The following UTS2B variants were observed in gnomAD, a reference collection of about 807,000 sequenced individuals.
UTS2B encodes urotensin 2B.
A neutral mutation model predicts 19.2 loss-of-function variants in UTS2B; 21 were observed. The observed-to-expected ratio is 1.09, with a 90% confidence interval of 0.78 to 1.58. UTS2B has a LOEUF of 1.58. Among genes scored for constraint, UTS2B ranks in the 40% most tolerant of loss-of-function variants. The pLI is 0.00. For missense variants in UTS2B, 138 were observed against 130.3 expected, an observed-to-expected ratio of 1.06 and a Z score of -0.29; for synonymous variants, 57 against 50.2, an observed-to-expected ratio of 1.14 and a Z score of -0.58.
At chr3:191,271,408 A>G (rs1716091515) in intron 8 of UTS2B, among the ~76,000 whole-genome samples, 1 of 152,110 alleles carries the variant, frequency 6.6e-6, no homozygotes, top group Non-Finnish European at 1.5e-5. Context: ...CCATCTCCTC[A>G]GCTGCAGCAC....
chr3:191,272,727 G>A (rs1339708800), intron 8 of UTS2B, among the ~76,000 whole-genome samples: 1 of 151,918 alleles, frequency 6.6e-6, no homozygotes, highest in Non-Finnish European at 1.5e-5. Flanking sequence ...TGGGCGTGGT[G>A]GTGCGTGCCT....
rs539747331 is a variant in UTS2B, at chr3:191,269,774, C to T, written c.335-1333G>A. ...TCTGGCAGAAGAATATAAACTTACA[C>T]TTAGCCAAGACTTATACCACATGAA... On this transcript the variant is annotated intron_variant, in intron 8 of 8. Transcript: ENST00000340524. Among the ~76,000 whole-genome samples, 4 of 152,338 alleles carry T rather than the reference C, an allele frequency of 2.6e-5. No homozygotes were observed. The South Asian group carries it at 8.3e-4, about 32-fold the overall frequency.
At chr3:191,304,826 C>A (rs1278116550) in intron 3 of UTS2B, among the ~76,000 whole-genome samples, 2 of 152,130 alleles carry the variant, frequency 1.3e-5, no homozygotes, top group Non-Finnish European at 2.9e-5. Flanking sequence ...CCTCCTCCCA[C>A]CCTCCACCCT....
chr3:191,336,061 A>G, the UTS2B span, among the ~76,000 whole-genome samples: 1 of 151,946 alleles, frequency 6.6e-6, no homozygotes, highest in Non-Finnish European at 1.5e-5. Flanking sequence ...TCCATTCACT[A>G]ATTGAAGAAC....
upstream of UTS2B, among the ~76,000 whole-genome samples, chr3:191,334,484 A>G (rs1718080226): frequency 6.6e-6 from 1 of 152,142 alleles, no homozygotes; most frequent in African/African-American, 2.4e-5. Context: ...AGAAAGCACT[A>G]AAAACCACTG....
intron 2 of UTS2B, among the ~76,000 whole-genome samples, chr3:191,319,073 T>C (rs1160840762): frequency 6.6e-6 from 1 of 152,118 alleles, no homozygotes; most frequent in Admixed American, 6.6e-5. Flanking sequence ...TTAGGAAACT[T>C]ATGCCATAGC....
chr3:191,341,658 T>C, the UTS2B span, among the ~76,000 whole-genome samples: 4 of 152,194 alleles, frequency 2.6e-5, no homozygotes, highest in African/African-American at 7.2e-5. Context: ...TTGTTGGGAA[T>C]AGAGAACTAT....
intron 4 of UTS2B, among the ~76,000 whole-genome samples, chr3:191,304,249 C>T (rs755560419): frequency 3.3e-5 from 5 of 152,186 alleles, no homozygotes; most frequent in South Asian, 2.1e-4. Context: ...TGAGGCACTG[C>T]GCCCTGCCTG....
intron 5 of UTS2B, among the ~76,000 whole-genome samples, chr3:191,280,031 G>C (rs1716341982): frequency 6.6e-6 from 1 of 152,060 alleles, no homozygotes; most frequent in African/African-American, 2.4e-5. Context: ...TGGCAAAGCT[G>C]CTCCAATACG....
intron 6 of UTS2B, among the ~76,000 whole-genome samples, chr3:191,277,116 T>C (rs917303620): frequency 4.6e-5 from 7 of 152,124 alleles, no homozygotes; most frequent in African/African-American, 1.7e-4. Flanking sequence ...GACCTATTAT[T>C]TAGAAATAAA....
chr3:191,285,227 A>G (rs1227955434), intron 4 of UTS2B, among the ~76,000 whole-genome samples: 1 of 108,696 alleles, frequency 9.2e-6, no homozygotes, highest in African/African-American at 2.6e-5. Context: ...GTAAAAGTGT[A>G]GAGTTATTTT....
intron 3 of UTS2B, among the ~76,000 whole-genome samples, chr3:191,313,301 A>AT (rs1427684852): frequency 6.6e-6 from 1 of 152,056 alleles, no homozygotes; most frequent in Non-Finnish European, 1.5e-5. Flanking sequence ...AGCTTAAACA[A>AT]TTTTTTAAAA....
intron 4 of UTS2B, among the ~76,000 whole-genome samples, chr3:191,290,083 A>C (rs1716671247): frequency 6.6e-6 from 1 of 152,182 alleles, no homozygotes. Flanking sequence ...TTTTTAATGA[A>C]TTGATTTTTA....
intron 4 of UTS2B, among the ~76,000 whole-genome samples, chr3:191,291,186 G>A (rs923822843): frequency 6.6e-6 from 1 of 152,108 alleles, no homozygotes; most frequent in Non-Finnish European, 1.5e-5. Flanking sequence ...AGTTGTAAGA[G>A]TTCATTGTAT....
chr3:191,335,942 C>A, the UTS2B span, among the ~76,000 whole-genome samples: 1 of 150,984 alleles, frequency 6.6e-6, no homozygotes, highest in Non-Finnish European at 1.5e-5. Context: ...CATGCCCCCA[C>A]CAGCCACTGA....
At chr3:191,341,760 G>A in the UTS2B span, among the ~76,000 whole-genome samples, 1 of 152,290 alleles carries the variant, frequency 6.6e-6, no homozygotes, top group Middle Eastern at 3.4e-3. Context: ...ACTGCATGGA[G>A]AGCCAAAGGG....
intron 2 of UTS2B, among the ~76,000 whole-genome samples, chr3:191,320,995 C>T (rs933780063): frequency 6.6e-6 from 1 of 152,160 alleles, no homozygotes; most frequent in Non-Finnish European, 1.5e-5. Context: ...GGGCTTCTCC[C>T]TGATTAATGG....
At chr3:191,333,892 G>A (rs1455153476), upstream of UTS2B, among the ~76,000 whole-genome samples, 2 of 151,984 alleles carry the variant, frequency 1.3e-5, no homozygotes, top group African/African-American at 2.4e-5. Context: ...TTATAGGTAT[G>A]TCTTGTAAAT....
At chr3:191,319,467 G>A (rs564026949) in intron 2 of UTS2B, among the ~76,000 whole-genome samples, 1 of 152,274 alleles carries the variant, frequency 6.6e-6, no homozygotes, top group East Asian at 1.9e-4. Context: ...AGCAGGAGAA[G>A]ATATCTGTTT....
Sources: allele counts gnomAD v4.1 joint callset (sites outside exome capture counted in the v4.1 genomes callset), GRCh38; gene constraint gnomAD v4.1.1; transcripts MANE v1.5; gene names NCBI Gene and HGNC (gene_info 2026-07-23, HGNC 2026-07-21).